Variants in TNR observed in about 807,000 individuals in gnomAD.
TNR encodes tenascin-R.
In TNR, 45 loss-of-function variants were observed where a neutral mutation model predicts 150.4. The ratio of observed to expected loss-of-function variants is 0.30; its 90% CI spans 0.24 to 0.38. The LOEUF is 0.38. Among genes scored for constraint, TNR ranks in the 10% least tolerant of loss-of-function variants. The probability of loss-of-function intolerance (pLI) is 1.00; values close to 1 mark genes in which losing one functional copy is unlikely to be tolerated. For missense variants in TNR, 1,544 were observed against 1,759.1 expected, an observed-to-expected ratio of 0.88 and a Z score of 2.19; for synonymous variants, 687 against 678.4, an observed-to-expected ratio of 1.01 and a Z score of -0.20.
rs148976269 is a variant in TNR at position 175,439,115 on chromosome 1, C to T, written c.-63-32338G>A. On this transcript the variant is annotated intron_variant, in intron 2 of 22. Transcript: ENST00000367674. ...AAGCTGGAGGCATCACGCTATCTGA[C>T]GTCAAACTATACTACAAGGCTACAG... Among the ~76,000 whole-genome samples the T allele has an allele frequency of 1.7e-3, 253 of 152,300 alleles. 1 individual carries two copies. In the East Asian group the frequency reaches 0.03, roughly 18 times the overall value.
In TNR at chr1:175,620,580, C is replaced by T. The variant is rs557410472; in HGVS notation, c.-164-92211G>A. Among the ~76,000 whole-genome samples, 9 of 152,230 alleles carry T rather than the reference C, an allele frequency of 5.9e-5. 1 individual carries two copies. The highest frequency in any genetic ancestry group is 1.9e-4 in the African/African-American group (8 of 41,530). ...CAGCCCAAAGGCTGGCAGCAGGAGG[C>T]AGAGAGAAAAGAAGCAGAGGGGCTG... On this transcript the variant is annotated intron_variant, in intron 1 of 22. Transcript: ENST00000367674.
At chr1:175,676,941 C>A (rs1206415280) in intron 1 of TNR, among the ~76,000 whole-genome samples, 1 of 152,208 alleles carries the variant, frequency 6.6e-6, no homozygotes, top group Non-Finnish European at 1.5e-5. Flanking sequence ...AGGAGGCAAG[C>A]ATTGTTCCCA....
chr1:175,557,014 T>C (rs902951303), intron 1 of TNR, among the ~76,000 whole-genome samples: 1 of 152,154 alleles, frequency 6.6e-6, no homozygotes, highest in Admixed American at 6.5e-5. Context: ...ATTGGAAAGG[T>C]CTATGTTTCC....
At chr1:175,633,993 G>GGAT (rs1322726718) in intron 1 of TNR, among the ~76,000 whole-genome samples, 22 of 136,228 alleles carry the variant, frequency 1.6e-4, no homozygotes, top group South Asian at 4.8e-4. Context: ...CGTAGGACTG[G>GGAT]GATGATGATG....
At chr1:175,434,661 C>A (rs1173524398) in intron 2 of TNR, among the ~76,000 whole-genome samples, 1 of 152,184 alleles carries the variant, frequency 6.6e-6, no homozygotes, top group African/African-American at 2.4e-5. Flanking sequence ...GGCCCCCAAC[C>A]TTACCTCTTA....
At chr1:175,384,046 T>A (rs771958496) in intron 8 of TNR, among the ~76,000 whole-genome samples, 1 of 152,246 alleles carries the variant, frequency 6.6e-6, no homozygotes, top group African/African-American at 2.4e-5. Flanking sequence ...CACCAGCCAA[T>A]CCTGCTTCCA....
chr1:175,708,987 G>A (rs184069178), intron 1 of TNR, among the ~76,000 whole-genome samples: 6 of 152,030 alleles, frequency 3.9e-5, no homozygotes, highest in East Asian at 3.9e-4. Context: ...CCCACGTGGC[G>A]AGCATGTTAT....
chr1:175,654,645 A>C (rs915557495), intron 1 of TNR, among the ~76,000 whole-genome samples: 3 of 147,872 alleles, frequency 2.0e-5, no homozygotes, highest in African/African-American at 7.6e-5. Flanking sequence ...CCTCCTACAC[A>C]GCTGCCATCT....
chr1:175,353,763 G>T (rs58604447), intron 18 of TNR, among the ~76,000 whole-genome samples: 8,098 of 152,268 alleles, frequency 0.053, 711 homozygotes, highest in African/African-American at 0.18. Context: ...GGTAGCAGAG[G>T]AAGGAGGAAG....
At chr1:175,425,528 C>T (rs571453726) in intron 2 of TNR, among the ~76,000 whole-genome samples, 1 of 152,244 alleles carries the variant, frequency 6.6e-6, no homozygotes, top group South Asian at 2.1e-4. Context: ...TGATATGACT[C>T]TCCTGGGTAA....
At chr1:175,355,457 C>G in intron 17 of TNR, 46 bp downstream of exon 17, 1 of 1,601,552 alleles carries the variant, frequency 6.2e-7, no homozygotes, top group South Asian at 1.1e-5. Context: ...TTCCACATGG[C>G]CTCACTTGGA....
At chr1:175,659,731 T>C (rs1250092930) in intron 1 of TNR, among the ~76,000 whole-genome samples, 1 of 152,142 alleles carries the variant, frequency 6.6e-6, no homozygotes, top group Non-Finnish European at 1.5e-5. Flanking sequence ...CCAAAGGAGC[T>C]GACGTCTATA....
intron 1 of TNR, among the ~76,000 whole-genome samples, chr1:175,555,310 A>G (rs1661109309): frequency 6.6e-6 from 1 of 151,842 alleles, no homozygotes; most frequent in Admixed American, 6.6e-5. Context: ...CTGATAGACA[A>G]CTCCAGTTAC....
intron 8 of TNR, among the ~76,000 whole-genome samples, chr1:175,382,873 A>C (rs530971048): frequency 2.0e-5 from 3 of 151,038 alleles, no homozygotes; most frequent in Non-Finnish European, 4.4e-5. Context: ...TGCACTCCAG[A>C]CTGGGTGACA....
intron 2 of TNR, among the ~76,000 whole-genome samples, chr1:175,519,812 C>T (rs754534147): frequency 1.3e-5 from 2 of 152,198 alleles, no homozygotes; most frequent in Non-Finnish European, 2.9e-5. Context: ...GTGATATTTA[C>T]ACCCTAACTT....
intron 1 of TNR, among the ~76,000 whole-genome samples, chr1:175,572,904 A>G (rs1661939833): frequency 6.6e-6 from 1 of 151,856 alleles, no homozygotes; most frequent in Admixed American, 6.6e-5. Flanking sequence ...AGCCTCCCTA[A>G]CCATGATTTA....
chr1:175,520,620 A>G (rs1659599153), intron 2 of TNR, among the ~76,000 whole-genome samples: 1 of 152,140 alleles, frequency 6.6e-6, no homozygotes, highest in African/African-American at 2.4e-5. Context: ...CAGGCCACAT[A>G]GCCAAGGATA....
intron 2 of TNR, among the ~76,000 whole-genome samples, chr1:175,422,688 A>C (rs1384491100): frequency 2.0e-5 from 3 of 152,186 alleles, no homozygotes; most frequent in African/African-American, 7.2e-5. Context: ...TCTTGATTAC[A>C]GCTGCCTGTC....
At chr1:175,742,963 TACACACACACACACAC>T (rs66777686) in intron 1 of TNR, among the ~76,000 whole-genome samples, 34 of 147,818 alleles carry the variant, frequency 2.3e-4, no homozygotes, top group Non-Finnish European at 4.5e-4. Flanking sequence ...TATGCAACAG[TACACACACACACACAC>T]ACACACACAC....
Sources: allele counts gnomAD v4.1 joint callset (sites outside exome capture counted in the v4.1 genomes callset), GRCh38; gene constraint gnomAD v4.1.1; transcripts MANE v1.5; gene names NCBI Gene and HGNC (gene_info 2026-07-23, HGNC 2026-07-21).